The following NDUFS4 variants were observed in gnomAD, a reference collection of about 807,000 sequenced individuals.
The protein encoded by NDUFS4 is NADH dehydrogenase [ubiquinone] iron-sulfur protein 4, mitochondrial.
In NDUFS4, 28 loss-of-function variants were observed where a neutral mutation model predicts 24.3. The ratio of observed to expected loss-of-function variants is 1.15; its 90% CI spans 0.85 to 1.58. The LOEUF (loss-of-function observed/expected upper bound fraction) is 1.58, where lower values mean the gene tolerates loss of function less well. NDUFS4 is among the 40% of genes most tolerant of loss of function. The pLI is 0.00. For synonymous variants in NDUFS4, 93 were observed against 69.7 expected (o/e 1.34, Z -1.67); for missense variants, 223 against 207.9 (o/e 1.07, Z -0.45).
intron 2 of NDUFS4, among the ~76,000 whole-genome samples, chr5:53,636,389 A>G (rs908544675): frequency 2.6e-5 from 4 of 152,228 alleles, no homozygotes; most frequent in African/African-American, 9.6e-5. Flanking sequence ...ACTTGGGAGA[A>G]AATTGGAAAC....
intron 3 of NDUFS4, among the ~76,000 whole-genome samples, chr5:53,648,779 C>A (rs1209841891): frequency 1.3e-5 from 2 of 152,094 alleles, no homozygotes; most frequent in African/African-American, 4.8e-5. Flanking sequence ...TTTCTGGCCC[C>A]CCAAAAGTGG....
At chr5:53,628,650 C>G (rs1751302853) in intron 2 of NDUFS4, among the ~76,000 whole-genome samples, 1 of 152,090 alleles carries the variant, frequency 6.6e-6, no homozygotes, top group Admixed American at 6.6e-5. Flanking sequence ...TCTAGATTTT[C>G]TAGTTTATTT....
intron 2 of NDUFS4, among the ~76,000 whole-genome samples, chr5:53,637,813 A>G (rs998054695): frequency 1.3e-5 from 2 of 152,102 alleles, no homozygotes; most frequent in African/African-American, 4.8e-5. Context: ...ATGCAGTCCA[A>G]TGGTATAATC....
intron 2 of NDUFS4, among the ~76,000 whole-genome samples, chr5:53,637,335 T>C (rs369820686): frequency 9.4e-4 from 143 of 152,328 alleles, no homozygotes; most frequent in African/African-American, 3.2e-3. Context: ...GGGGCTTTTA[T>C]TGGCTCCATA....
At chr5:53,572,842 C>CA (rs1749255410) in intron 1 of NDUFS4, among the ~76,000 whole-genome samples, 1 of 151,758 alleles carries the variant, frequency 6.6e-6, no homozygotes, top group Non-Finnish European at 1.5e-5. Context: ...GACGGGGTTT[C>CA]ACCATGTTGG....
intron 4 of NDUFS4, among the ~76,000 whole-genome samples, chr5:53,682,794 T>TATG (rs1337932674): frequency 6.6e-6 from 1 of 152,132 alleles, no homozygotes. Context: ...TTTAAAGGCC[T>TATG]ATGTTAAACC....
intron 4 of NDUFS4, 169 bp downstream of exon 4, chr5:53,658,793 A>AAAC: frequency 1.7e-6 from 1 of 589,058 alleles, no homozygotes; most frequent in South Asian, 2.2e-5. Flanking sequence ...CCAAAAAAAA[A>AAAC]AAAAAAAAAA....
At chr5:53,638,872 T>G (rs1158786735) in intron 2 of NDUFS4, among the ~76,000 whole-genome samples, 1 of 152,108 alleles carries the variant, frequency 6.6e-6, no homozygotes, top group East Asian at 1.9e-4. Context: ...CTATTAATAC[T>G]ATAGCTATAG....
intron 2 of NDUFS4, among the ~76,000 whole-genome samples, chr5:53,616,033 A>AAT (rs1750827118): frequency 6.6e-6 from 1 of 151,898 alleles, no homozygotes; most frequent in African/African-American, 2.4e-5. Context: ...ATGCATTATA[A>AAT]TATCTTAAAC....
chr5:53,627,223 C>G (rs900975736), intron 2 of NDUFS4, among the ~76,000 whole-genome samples: 6 of 152,074 alleles, frequency 3.9e-5, no homozygotes, highest in African/African-American at 1.4e-4. Context: ...GGCCTCTGTT[C>G]TGTTCCATTG....
chr5:53,646,151 C>T, intron 2 of NDUFS4, 82 bp from the exon 3 acceptor site: 1 of 1,133,996 alleles, frequency 8.8e-7, no homozygotes, highest in Non-Finnish European at 1.3e-6. Context: ...AATAGAGTTG[C>T]ATGAATATAG....
chr5:53,560,689 A>C lies in NDUFS4; in HGVS notation c.27A>C (p.Val9=), dbSNP rs548847797. The C allele has an allele frequency of 6.2e-7, 1 of 1,614,236 alleles. No individual in the cohort carries two copies. The highest frequency in any genetic ancestry group is 1.1e-5 in the South Asian group (1 of 91,088). MAAVSMSV[V]LRQTLWRRRA... ...TGGCGGCGGTGTCAATGTCAGTGGT[A>C]CTGAGGCAGACGTTGTGGCGGAGAA... The change falls in exon 1 of 5, where the codon GTA becomes GTC. Residue 9 remains valine, a synonymous_variant. Coordinates refer to ENST00000296684, the MANE Select transcript of NDUFS4 (RefSeq NM_002495.4).
intron 4 of NDUFS4, among the ~76,000 whole-genome samples, chr5:53,661,486 T>C (rs1243608770): frequency 6.6e-6 from 1 of 152,140 alleles, no homozygotes; most frequent in East Asian, 1.9e-4. Flanking sequence ...CAATGCGGGC[T>C]CTTTTTTGGT....
intron 1 of NDUFS4, among the ~76,000 whole-genome samples, chr5:53,572,969 T>G (rs1749262410): frequency 8.7e-6 from 1 of 114,464 alleles, no homozygotes; most frequent in Non-Finnish European, 1.7e-5. Context: ...TTTTTTTTTT[T>G]GTTTTTTTTT....
intron 1 of NDUFS4, among the ~76,000 whole-genome samples, chr5:53,585,109 A>T (rs557057362): frequency 6.6e-6 from 1 of 152,282 alleles, no homozygotes; most frequent in African/African-American, 2.4e-5. Flanking sequence ...TTTTAAAATT[A>T]TGGGATATTA....
intron 4 of NDUFS4, among the ~76,000 whole-genome samples, chr5:53,667,776 C>G (rs1386894855): frequency 6.6e-6 from 1 of 152,174 alleles, no homozygotes; most frequent in African/African-American, 2.4e-5. Context: ...CCACAGTGGT[C>G]TACATCACAG....
chr5:53,578,000 T>C (rs1749440971), intron 1 of NDUFS4, among the ~76,000 whole-genome samples: 1 of 152,216 alleles, frequency 6.6e-6, no homozygotes. Context: ...AAGAGAATTT[T>C]CTTCAACAGC....
chr5:53,667,590 A>T (rs1752555942), intron 4 of NDUFS4, among the ~76,000 whole-genome samples: 2 of 152,062 alleles, frequency 1.3e-5, no homozygotes. Flanking sequence ...GTAGTGAAGG[A>T]CATGCAAATG....
chr5:53,569,048 T>C (rs898957189), intron 1 of NDUFS4, among the ~76,000 whole-genome samples: 3 of 152,194 alleles, frequency 2.0e-5, no homozygotes, highest in Admixed American at 2.0e-4. Flanking sequence ...AGCCATATGC[T>C]TCTCCTAAAA....
Sources: allele counts gnomAD v4.1 joint callset (sites outside exome capture counted in the v4.1 genomes callset), GRCh38; gene constraint gnomAD v4.1.1; transcripts MANE v1.5; gene names NCBI Gene and HGNC (gene_info 2026-07-23, HGNC 2026-07-21).